ATP13A4: variants seen among roughly 807,000 people sequenced by gnomAD.
ATP13A4 encodes probable cation-transporting ATPase 13A4.
ATP13A4 carries 114 observed loss-of-function variants against 142.5 expected under a neutral mutation model. That is an observed-to-expected ratio of 0.80 (90% confidence interval 0.69 to 0.93). ATP13A4 has a LOEUF of 0.93. Among genes scored for constraint, ATP13A4 ranks in the 40% least tolerant of loss-of-function variants. The pLI is 0.00. For synonymous variants in ATP13A4, 488 were observed against 514.8 expected, an observed-to-expected ratio of 0.95 and a Z score of 0.70; for missense variants, 1,392 against 1,454.0, an observed-to-expected ratio of 0.96 and a Z score of 0.69.
intron 3 of ATP13A4, among the ~76,000 whole-genome samples, chr3:193,496,312 C>A (rs2108670381): frequency 6.6e-6 from 1 of 152,288 alleles, no homozygotes; most frequent in Middle Eastern, 3.4e-3. Context: ...TACTATCTGA[C>A]TTCAAATTTC....
At chr3:193,432,305 G>A (rs374157977) in intron 25 of ATP13A4, among the ~76,000 whole-genome samples, 3 of 152,038 alleles carry the variant, frequency 2.0e-5, no homozygotes, top group African/African-American at 7.2e-5. Flanking sequence ...TAAATCATTG[G>A]TAGTAGAAAT....
At chr3:193,560,853 G>C (rs1344684944) in intron 2 of ATP13A4, among the ~76,000 whole-genome samples, 1 of 152,230 alleles carries the variant, frequency 6.6e-6, no homozygotes, top group Non-Finnish European at 1.5e-5. Flanking sequence ...GGCCAAGGGG[G>C]AAAGAGAGAA....
At chr3:193,566,775 G>T (rs1724144180) in intron 2 of ATP13A4, among the ~76,000 whole-genome samples, 1 of 152,042 alleles carries the variant, frequency 6.6e-6, no homozygotes, top group Non-Finnish European at 1.5e-5. Flanking sequence ...CACCCACAAA[G>T]CCTAATGTTG....
At chr3:193,525,155 T>C (rs917703827) in intron 1 of ATP13A4, among the ~76,000 whole-genome samples, 6 of 152,236 alleles carry the variant, frequency 3.9e-5, no homozygotes, top group African/African-American at 1.4e-4. Flanking sequence ...GTAAGGATTC[T>C]AGTCTAAGGA....
At chr3:193,554,357 C>T (rs1353435477) in intron 1 of ATP13A4, 8 of 284,208 alleles carry the variant, frequency 2.8e-5, no homozygotes, top group African/African-American at 1.5e-4. Context: ...TTCTTCCTAT[C>T]AGGGAATACA....
rs1476679800 is a variant in ATP13A4 at position 193,467,308 on chromosome 3, A to G, written c.1114+8T>C. The G allele has an allele frequency of 8.1e-6, 13 of 1,614,120 alleles. No homozygotes were observed. Among genetic ancestry groups the G allele is most frequent in the Non-Finnish European group, 1.1e-5 (13 of 1,179,980 alleles). The stretch of plus-strand genomic sequence containing the variant: ...CATTAAAAATAAGAAAAAGGAGGGG[A>G]TGCTAACCAGTCTGCAGTACCACGG... On this transcript the variant is annotated splice_region_variant and intron_variant, in intron 10 of 29. Transcript: ENST00000342695.
intron 28 of ATP13A4, 90 bp downstream of exon 28, chr3:193,410,892 A>T: frequency 1.1e-6 from 1 of 873,930 alleles, no homozygotes; most frequent in Non-Finnish European, 1.9e-6. Context: ...TTGTGTCAAA[A>T]ATCATGTCAA....
intron 25 of ATP13A4, among the ~76,000 whole-genome samples, chr3:193,426,135 G>T (rs1715648659): frequency 6.6e-6 from 1 of 151,692 alleles, no homozygotes; most frequent in South Asian, 2.1e-4. Flanking sequence ...AAACTCACAA[G>T]AAAGCTGATA....
intron 1 of ATP13A4, among the ~76,000 whole-genome samples, chr3:193,537,053 A>G (rs1239987190): frequency 1.3e-5 from 2 of 152,098 alleles, no homozygotes; most frequent in Admixed American, 6.5e-5. Context: ...TCCAGATCCA[A>G]TGCAATACCT....
intron 18 of ATP13A4, among the ~76,000 whole-genome samples, chr3:193,447,742 A>C (rs1717036709): frequency 6.6e-6 from 1 of 152,230 alleles, no homozygotes; most frequent in South Asian, 2.1e-4. Flanking sequence ...AGAGGACATC[A>C]TTTTCTTAAA....
At chr3:193,470,744 C>T in intron 9 of ATP13A4, 115 bp downstream of exon 9, 2 of 1,475,418 alleles carry the variant, frequency 1.4e-6, no homozygotes, top group Non-Finnish European at 1.9e-6. Flanking sequence ...CCATAGCAGC[C>T]AGTGCTTTAC....
intron 2 of ATP13A4, among the ~76,000 whole-genome samples, chr3:193,562,681 C>T (rs1724044851): frequency 6.6e-6 from 1 of 152,082 alleles, no homozygotes; most frequent in Non-Finnish European, 1.5e-5. Flanking sequence ...ACTATCCTGG[C>T]TAACACGATG....
intron 1 of ATP13A4, among the ~76,000 whole-genome samples, chr3:193,522,664 G>A (rs956311366): frequency 2.6e-5 from 4 of 152,170 alleles, no homozygotes; most frequent in Non-Finnish European, 4.4e-5. Context: ...TGATTGTCCA[G>A]ATTTGAGCTA....
At chr3:193,412,897 G>C (rs1714846044) in intron 26 of ATP13A4, among the ~76,000 whole-genome samples, 1 of 152,174 alleles carries the variant, frequency 6.6e-6, no homozygotes, top group Non-Finnish European at 1.5e-5. Context: ...GGCAGCATGT[G>C]CCTATAATCT....
intron 16 of ATP13A4, among the ~76,000 whole-genome samples, chr3:193,454,611 A>G (rs1717477767): frequency 6.6e-6 from 1 of 152,208 alleles, no homozygotes; most frequent in Admixed American, 6.5e-5. Flanking sequence ...AAAAATAAGC[A>G]TGGGGAAAGG....
chr3:193,478,535 T>A (rs1166497107), intron 8 of ATP13A4, among the ~76,000 whole-genome samples: 4 of 151,838 alleles, frequency 2.6e-5, no homozygotes, highest in Admixed American at 2.6e-4. Context: ...AGGAGATGGA[T>A]AAATTCCTGG....
At chr3:193,475,258 G>A (rs1295383591) in intron 8 of ATP13A4, among the ~76,000 whole-genome samples, 1 of 151,976 alleles carries the variant, frequency 6.6e-6, no homozygotes, top group East Asian at 1.9e-4. Flanking sequence ...TTTTTCAATA[G>A]AGGATTGACT....
chr3:193,577,340 C>T (rs980965609), intron 2 of ATP13A4, among the ~76,000 whole-genome samples: 6 of 152,202 alleles, frequency 3.9e-5, no homozygotes, highest in Non-Finnish European at 8.8e-5. Flanking sequence ...CCTAAGTATA[C>T]TTGGCAAATG....
upstream of ATP13A4, chr3:193,555,055 G>A (rs980873642): frequency 1.5e-5 from 12 of 825,604 alleles, no homozygotes; most frequent in East Asian, 3.6e-4. Flanking sequence ...CAGAGCAGCT[G>A]TCTCAAAGGA....
Sources: gnomAD v4.1 joint callset for allele counts (sites outside exome capture counted in the v4.1 genomes callset) on GRCh38, gnomAD v4.1.1 for gene constraint, MANE v1.5 for transcripts, NCBI Gene and HGNC (gene_info 2026-07-23, HGNC 2026-07-21) for gene names.